Variants in TERF2IP observed in about 807,000 individuals in gnomAD.
TERF2IP encodes TERF2 interacting protein, also known as telomeric repeat-binding factor 2-interacting protein 1.
Under a neutral mutation model 33.3 loss-of-function variants are expected in TERF2IP, and 35 were observed. The ratio of observed to expected loss-of-function variants is 1.05; its 90% confidence interval spans 0.80 to 1.39. The LOEUF (loss-of-function observed/expected upper bound fraction) is 1.39. Among genes scored for constraint, TERF2IP ranks in the 40% most tolerant of loss-of-function variants. TERF2IP has a pLI of 0.00. For missense variants in TERF2IP, 583 were observed against 524.8 expected (o/e 1.11, Z -1.08); for synonymous variants, 253 against 223.2 (o/e 1.13, Z -1.19).
At chr16:75,653,627 G>A (rs913410027) in intron 1 of TERF2IP, among the ~76,000 whole-genome samples, 7 of 152,174 alleles carry the variant, frequency 4.6e-5, no homozygotes, top group Non-Finnish European at 8.8e-5. Flanking sequence ...ATTGTGGTAC[G>A]TGGCCCAGAT....
In TERF2IP at chr16:75,648,059, C is replaced by T. The variant is rs747932710; in HGVS notation, c.177C>T (p.Pro59=). 3 of 1,593,354 alleles carry T rather than the reference C, an allele frequency of 1.9e-6. No individual in the cohort carries two copies. The highest frequency in any genetic ancestry group is 2.6e-6 in the Non-Finnish European group (3 of 1,170,124). ...GCACCGTGTGCCGAGTGCAGGAGCC[C>T]GGGGCCGTGCTGCTGGCCCAGCCCG... ...GGGTVCRVQE[P]GAVLLAQPGE... Residue 59 remains proline (P), a synonymous_variant, in exon 1 of 3, where the codon CCC becomes CCT. Coordinates refer to ENST00000300086, the MANE Select transcript of TERF2IP (RefSeq NM_018975.4).
chr16:75,648,241 A>C lies in TERF2IP; in HGVS notation c.359A>C (p.Glu120Ala). 6.5e-7 allele frequency: 1 copy of C among 1,544,674 alleles called. No homozygotes were observed. The change falls in exon 1 of 3, where the codon GAG (glutamate) becomes GCG (alanine). Residue 120 changes from glutamate (E) to alanine (A), a missense_variant. Coordinates refer to ENST00000300086, the MANE Select transcript of TERF2IP (RefSeq NM_018975.4). ...GAAGCAAAGCCCGGGGCCCTGGCCG[A>C]GGGCGCCGCGGAGCCGGAGCCGCAG... ...GSEAKPGALA[E>A]GAAEPEPQRH... is the part of the protein sequence containing the mutation.
At chr16:75,649,291 C>A (rs773685197) in intron 1 of TERF2IP, among the ~76,000 whole-genome samples, 34 of 152,320 alleles carry the variant, frequency 2.2e-4, no homozygotes, top group Non-Finnish European at 4.1e-4. Context: ...AGCTTGTAAT[C>A]CCAGCACTTT....
At chr16:75,648,640 T>A in intron 1 of TERF2IP, 88 bp downstream of exon 1, 1 of 1,443,212 alleles carries the variant, frequency 6.9e-7, no homozygotes, top group Non-Finnish European at 9.1e-7. Context: ...CATCTTGGCA[T>A]CTTCGGTAGC....
chr16:75,654,524 G>C, intron 2 of TERF2IP, 127 bp downstream of exon 2: 2 of 1,042,546 alleles, frequency 1.9e-6, no homozygotes, highest in Non-Finnish European at 2.7e-6. Flanking sequence ...AAGATGGAAA[G>C]GGAAAATGGA....
At chr16:75,648,813 C>A in intron 1 of TERF2IP, 1 of 990,960 alleles carries the variant, frequency 1.0e-6, no homozygotes, top group Non-Finnish European at 1.4e-6. Context: ...CTCGGCCACC[C>A]AAAGTGTTGG....
intron 2 of TERF2IP, among the ~76,000 whole-genome samples, chr16:75,655,858 C>G (rs2082380665): frequency 6.6e-6 from 1 of 152,140 alleles, no homozygotes; most frequent in Non-Finnish European, 1.5e-5. Context: ...CATGTGTGCA[C>G]ATATATGTGT....
chr16:75,656,007 A>G lies in TERF2IP; in HGVS notation c.796-200A>G, dbSNP rs546001491. ...CACACACGTGCACACACACACGCGC[A>G]CACACACACGCGTGTACATATACAT... On this transcript the variant is annotated intron_variant, in intron 2 of 2. Transcript: ENST00000300086. Among the ~76,000 whole-genome samples, 20 of 151,774 alleles carry G rather than the reference A, an allele frequency of 1.3e-4. No individual in the cohort carries two copies. In the East Asian group the frequency reaches 3.5e-3, roughly 27 times the overall value.
chr16:75,648,227 C>CG lies in TERF2IP; in HGVS notation c.349dup (p.Ala117GlyfsTer45), dbSNP rs1567508141. The CG allele has an allele frequency of 6.5e-7, 1 of 1,545,264 alleles. No individual in the cohort carries two copies. Among genetic ancestry groups the CG allele is most frequent in the Non-Finnish European group, 8.7e-7 (1 of 1,145,692 alleles). ...CGGACACCGGCTCGGAAGCAAAGCC[C>CG]GGGGCCCTGGCCGAGGGCGCCGCGG... On this transcript the variant is annotated frameshift_variant, in exon 1 of 3. Coordinates refer to ENST00000300086, the MANE Select transcript of TERF2IP (RefSeq NM_018975.4). LOFTEE classifies it high-confidence loss of function.
Position 75,656,156 on chromosome 16 carries a change from G to T in TERF2IP, c.796-51G>T, listed in dbSNP as rs757146187. On this transcript the variant is annotated intron_variant, in intron 2 of 2. Coordinates refer to ENST00000300086, the MANE Select transcript of TERF2IP (RefSeq NM_018975.4). The stretch of plus-strand genomic sequence containing the variant: ...AGTTGGAAGAGACCAGATATTGTAA[G>T]AAATCAAGACTTGGTGATTAGGAGC... 1.4e-5 allele frequency: 22 copies of T among 1,526,486 alleles called. No homozygotes were observed. In the Admixed American group the frequency reaches 3.6e-4, roughly 25 times the overall value. The allele number at this position is 1,526,486 out of a possible 1,614,324, so 94.6% of individuals were successfully genotyped here. A position where few individuals can be genotyped will look rare whatever the true frequency, so the allele number is the denominator to read the frequency against.
chr16:75,655,762 TGTG>T (rs1410380200), intron 2 of TERF2IP, among the ~76,000 whole-genome samples: 1 of 152,196 alleles, frequency 6.6e-6, no homozygotes, highest in African/African-American at 2.4e-5. Context: ...GTATTGGAGA[TGTG>T]GTGATGAACA....
rs911391391 is a variant in TERF2IP at position 75,656,528 on chromosome 16, G to C, written c.1117G>C (p.Asp373His). The change falls in exon 3 of 3, where the codon GAT (aspartate) becomes CAT (histidine). Residue 373 changes from aspartate (D) to histidine (H), a missense_variant. Physicochemically the swap from Asp to His is moderately conservative, Grantham distance 81 (BLOSUM62 -1). Transcript: ENST00000300086. ...ACAAGATGACATAGATTTGCAAAAA[G>C]ATGATGAGGATACCAGAGAGGCATT... ...SRQDDIDLQK[D>H]DEDTREALVK... 1 of 1,614,164 alleles carries C rather than the reference G, an allele frequency of 6.2e-7. No homozygotes were observed.
chr16:75,652,967 A>G (rs1279390010), intron 1 of TERF2IP, among the ~76,000 whole-genome samples: 2 of 152,102 alleles, frequency 1.3e-5, no homozygotes, highest in Non-Finnish European at 2.9e-5. Context: ...TTCTGTTTCT[A>G]TGAATTCAAT....
rs1169576351 is a variant in TERF2IP, at chr16:75,648,586, C to G, written c.670+34C>G. On this transcript the variant is annotated intron_variant, in intron 1 of 2. Coordinates refer to ENST00000300086, the MANE Select transcript of TERF2IP (RefSeq NM_018975.4). ...GCTGAGCGCGGGGCCTCGCGGATATCTGCGCGGGTGGGGTTGGGATCTTTC... is the reference window on the plus strand; with the variant it reads ...GCTGAGCGCGGGGCCTCGCGGATATGTGCGCGGGTGGGGTTGGGATCTTTC... 2.0e-6 allele frequency: 3 copies of G among 1,497,622 alleles called. No homozygotes were observed. The East Asian group carries it at 7.2e-5, about 36-fold the overall frequency. The allele number at this position is 1,497,622 out of a possible 1,614,324, so 92.8% of individuals were successfully genotyped here. A position where few individuals can be genotyped will look rare whatever the true frequency, so the allele number is the denominator to read the frequency against.
At chr16:75,654,212 T>C in intron 1 of TERF2IP, 61 bp from the exon 2 acceptor site, 1 of 1,239,954 alleles carries the variant, frequency 8.1e-7, no homozygotes, top group African/African-American at 1.9e-5. Context: ...ACACAGCAAA[T>C]ATATTTTTGG....
chr16:75,653,894 C>G (rs527382226), intron 1 of TERF2IP, among the ~76,000 whole-genome samples: 35 of 152,278 alleles, frequency 2.3e-4, no homozygotes, highest in South Asian at 4.1e-4. Flanking sequence ...CTTCCCAATT[C>G]TTTAAATTTC....
chr16:75,648,747 A>G, intron 1 of TERF2IP, 195 bp downstream of exon 1: 9 of 1,407,454 alleles, frequency 6.4e-6, no homozygotes, highest in Non-Finnish European at 8.3e-6. Flanking sequence ...TTTTTTTGCG[A>G]TGGGTCTCTG....
At chr16:75,652,938 T>C (rs961707716) in intron 1 of TERF2IP, among the ~76,000 whole-genome samples, 2 of 152,102 alleles carry the variant, frequency 1.3e-5, no homozygotes, top group Admixed American at 6.6e-5. Flanking sequence ...TCTTAGCCCC[T>C]GGAAACAACC....
At position 75,656,196 on chromosome 16, in the gene TERF2IP, A is replaced by T; in HGVS notation, c.796-11A>T. On this transcript the variant is annotated splice_polypyrimidine_tract_variant and intron_variant, in intron 2 of 2. Coordinates refer to ENST00000300086, the MANE Select transcript of TERF2IP (RefSeq NM_018975.4). ...TGATTAGGAGCTGGTTTTACTCATC[A>T]TTCTGTCTAGGTGGATGAGAGCCCT... 1 of 1,577,652 alleles carries T rather than the reference A, an allele frequency of 6.3e-7. No individual in the cohort carries two copies. Among genetic ancestry groups the T allele is most frequent in the Non-Finnish European group, 8.6e-7 (1 of 1,163,308 alleles).
Sources: allele counts gnomAD v4.1 joint callset (sites outside exome capture counted in the v4.1 genomes callset), GRCh38; gene constraint gnomAD v4.1.1; transcripts MANE v1.5; gene names NCBI Gene and HGNC (gene_info 2026-07-23, HGNC 2026-07-21).